KCNH8: variants seen among roughly 807,000 people sequenced by gnomAD.
KCNH8 encodes the protein potassium voltage-gated channel subfamily H member 8, also known as voltage-gated delayed rectifier potassium channel KCNH8.
Under a neutral mutation model 103.6 loss-of-function variants are expected in KCNH8, and 70 were observed. The observed-to-expected ratio is 0.68, with a 90% confidence interval of 0.56 to 0.82. The LOEUF is 0.82. Ranked by LOEUF, KCNH8 falls within the 40% of genes least tolerant of loss-of-function variation. KCNH8 has a pLI of 0.00. For synonymous variants in KCNH8, 498 were observed against 489.4 expected (o/e 1.02, Z -0.23); for missense variants, 1,217 against 1,329.9 (o/e 0.92, Z 1.32).
chr3:19,327,670 C>T (rs79834946), intron 3 of KCNH8, among the ~76,000 whole-genome samples: 3,504 of 152,230 alleles, frequency 0.023, 95 homozygotes, highest in East Asian at 0.11. Context: ...TTATTTTTCA[C>T]GTCTCTCCTG....
rs529608224 is a variant in KCNH8, at chr3:19,386,668, T to C, written c.812-3813T>C. ...ATGATATTAACAAGAAAATTACATA[T>C]AAAACTAGATATTAATGAATATACT... On this transcript the variant is annotated intron_variant, in intron 5 of 15. Coordinates refer to ENST00000328405, the MANE Select transcript of KCNH8 (RefSeq NM_144633.3). 1.6e-4 allele frequency among the ~76,000 whole-genome samples: 24 copies of C among 152,230 alleles called. No homozygotes were observed. The South Asian group carries it at 4.6e-3, about 29-fold the overall frequency.
At position 19,178,728 on chromosome 3, in the gene KCNH8, A is replaced by G. The variant is rs574823557; in HGVS notation, c.76+29933A>G. On this transcript the variant is annotated intron_variant, in intron 1 of 15. Transcript: ENST00000328405. The stretch of plus-strand genomic sequence containing the variant: ...CAAATTTCAGGAAGGCTGAAATGGT[A>G]ATTTGGACTTATGGTTCAGGTCTTG... Among the ~76,000 whole-genome samples, 5 of 152,282 alleles carry G rather than the reference A, an allele frequency of 3.3e-5. No homozygotes were observed. In the South Asian group the frequency reaches 1.0e-3, roughly 32 times the overall value.
chr3:19,325,281 T>C (rs1485705819), intron 3 of KCNH8, among the ~76,000 whole-genome samples: 1 of 152,162 alleles, frequency 6.6e-6, no homozygotes, highest in East Asian at 1.9e-4. Context: ...ATTTAGGGCA[T>C]AGGCATGGGC....
intron 3 of KCNH8, among the ~76,000 whole-genome samples, chr3:19,288,880 C>G (rs1298744261): frequency 6.6e-6 from 1 of 152,200 alleles, no homozygotes; most frequent in Non-Finnish European, 1.5e-5. Flanking sequence ...TCCACACCCT[C>G]TCCAGCACCT....
chr3:19,297,828 T>C (rs1163344829), intron 3 of KCNH8, among the ~76,000 whole-genome samples: 1 of 152,202 alleles, frequency 6.6e-6, no homozygotes, highest in Non-Finnish European at 1.5e-5. Flanking sequence ...TTGGCAGCAA[T>C]GGGCCAGTAT....
intron 1 of KCNH8, among the ~76,000 whole-genome samples, chr3:19,247,755 T>C (rs2064224562): frequency 6.6e-6 from 1 of 152,230 alleles, no homozygotes; most frequent in African/African-American, 2.4e-5. Context: ...GCCAAGAGAA[T>C]ACAGGTTTCT....
intron 1 of KCNH8, among the ~76,000 whole-genome samples, chr3:19,171,544 T>G (rs1001364952): frequency 2.0e-5 from 3 of 149,976 alleles, no homozygotes; most frequent in African/African-American, 7.6e-5. Flanking sequence ...AGTCTTCAAT[T>G]TTCGAGTATT....
chr3:19,513,809 T>C (rs1195136643), intron 13 of KCNH8, among the ~76,000 whole-genome samples: 2 of 152,156 alleles, frequency 1.3e-5, no homozygotes, highest in Non-Finnish European at 1.5e-5. Context: ...TTCTGGTCTC[T>C]TCAATAAGTA....
At chr3:19,452,914 C>A (rs2067471769) in intron 10 of KCNH8, among the ~76,000 whole-genome samples, 1 of 152,104 alleles carries the variant, frequency 6.6e-6, no homozygotes, top group Non-Finnish European at 1.5e-5. Context: ...ATGTTTATCA[C>A]AGCACTATTT....
At chr3:19,194,485 C>T (rs2063581790) in intron 1 of KCNH8, among the ~76,000 whole-genome samples, 1 of 151,780 alleles carries the variant, frequency 6.6e-6, no homozygotes, top group African/African-American at 2.4e-5. Context: ...GATTAAATCC[C>T]TAATGAAAGA....
chr3:19,479,479 A>C (rs1036786002), intron 11 of KCNH8, among the ~76,000 whole-genome samples: 2 of 152,176 alleles, frequency 1.3e-5, no homozygotes, highest in Non-Finnish European at 2.9e-5. Flanking sequence ...GGCCATCCTC[A>C]AAAAATCTCT....
intron 4 of KCNH8, among the ~76,000 whole-genome samples, chr3:19,344,608 G>C (rs145926659): frequency 4.7e-4 from 72 of 152,090 alleles, no homozygotes; most frequent in African/African-American, 1.7e-3. Flanking sequence ...CTGTTCACGT[G>C]TTCACCATCT....
In KCNH8 at chr3:19,258,503, T is replaced by C. The variant is rs537361245; in HGVS notation, c.310+4616T>C. ...GCAATTGAAGAATTGTCCAGTTTCTTGCATGACTTTCTAATGCCCAGTCAG... is the reference window on the plus strand; with the variant it reads ...GCAATTGAAGAATTGTCCAGTTTCTCGCATGACTTTCTAATGCCCAGTCAG... On this transcript the variant is annotated intron_variant, in intron 2 of 15. Coordinates refer to ENST00000328405, the MANE Select transcript of KCNH8 (RefSeq NM_144633.3). 5.3e-5 allele frequency among the ~76,000 whole-genome samples: 8 copies of C among 152,122 alleles called. No individual in the cohort carries two copies. The East Asian group carries it at 1.4e-3, about 26-fold the overall frequency.
chr3:19,325,185 A>G (rs1408075580), intron 3 of KCNH8, among the ~76,000 whole-genome samples: 1 of 152,198 alleles, frequency 6.6e-6, no homozygotes, highest in African/African-American at 2.4e-5. Context: ...CTTACACCAT[A>G]TTAAAAAATT....
chr3:19,437,854 C>T (rs1245173167), intron 7 of KCNH8, among the ~76,000 whole-genome samples: 3 of 152,110 alleles, frequency 2.0e-5, no homozygotes, highest in Admixed American at 2.0e-4. Context: ...AAATAAACAA[C>T]ACTGTTTCTG....
chr3:19,515,868 G>A (rs979882927), intron 14 of KCNH8, among the ~76,000 whole-genome samples: 4 of 151,940 alleles, frequency 2.6e-5, no homozygotes, highest in East Asian at 1.9e-4. Context: ...AAATAACTTC[G>A]GAAAGGTATA....
intron 5 of KCNH8, among the ~76,000 whole-genome samples, chr3:19,377,428 G>A (rs1412246607): frequency 6.6e-6 from 1 of 152,242 alleles, no homozygotes; most frequent in African/African-American, 2.4e-5. Flanking sequence ...TCCAAGGGTG[G>A]TTATAGCCAT....
intron 7 of KCNH8, among the ~76,000 whole-genome samples, chr3:19,414,747 A>AT (rs1490746327): frequency 9.2e-5 from 14 of 152,074 alleles, no homozygotes; most frequent in Non-Finnish European, 1.6e-4. Context: ...ATTCTTGTAC[A>AT]TTTTTTCATC....
intron 7 of KCNH8, among the ~76,000 whole-genome samples, chr3:19,412,622 T>A (rs1269000208): frequency 6.6e-6 from 1 of 151,890 alleles, no homozygotes; most frequent in Non-Finnish European, 1.5e-5. Flanking sequence ...GGAGAAAATA[T>A]TGGCAAACTA....
Sources: gnomAD v4.1 joint callset for allele counts (sites outside exome capture counted in the v4.1 genomes callset) on GRCh38, gnomAD v4.1.1 for gene constraint, MANE v1.5 for transcripts, NCBI Gene and HGNC (gene_info 2026-07-23, HGNC 2026-07-21) for gene names.